The following RBFOX1 variants were observed in gnomAD, a reference collection of about 807,000 sequenced individuals.
The protein encoded by RBFOX1 is RNA binding protein fox-1 homolog 1.
A neutral mutation model predicts 57.7 loss-of-function variants in RBFOX1; 8 were observed. The ratio of observed to expected loss-of-function variants is 0.14; its 90% CI spans 0.08 to 0.25. The LOEUF (loss-of-function observed/expected upper bound fraction) is 0.25. Among genes scored for constraint, RBFOX1 ranks in the 10% least tolerant of loss-of-function variants. The probability of loss-of-function intolerance (pLI) is 1.00; values close to 1 mark genes in which losing one functional copy is unlikely to be tolerated. For synonymous variants in RBFOX1, 326 were observed against 222.4 expected (o/e 1.47, Z -4.15); for missense variants, 611 against 548.5 (o/e 1.11, Z -1.14).
chr16:6,235,266 C>T (rs1370222689), intron 1 of RBFOX1, among the ~76,000 whole-genome samples: 1 of 152,046 alleles, frequency 6.6e-6, no homozygotes, highest in Non-Finnish European at 1.5e-5. Flanking sequence ...GGCCTAACTC[C>T]CCTCCTCCAC....
chr16:7,199,402 A>T (rs779572956), intron 4 of RBFOX1, among the ~76,000 whole-genome samples: 6 of 152,198 alleles, frequency 3.9e-5, no homozygotes, highest in Non-Finnish European at 7.3e-5. Context: ...ATGTTTTCCA[A>T]ATAGGCCCTG....
intron 2 of RBFOX1, among the ~76,000 whole-genome samples, chr16:6,627,007 G>C (rs910921971): frequency 3.3e-5 from 5 of 152,156 alleles, no homozygotes; most frequent in Non-Finnish European, 5.9e-5. Flanking sequence ...GGCACAGAAG[G>C]CTGGGCTATG....
intron 11 of RBFOX1, among the ~76,000 whole-genome samples, chr16:7,648,507 G>A (rs867381543): frequency 5.3e-5 from 8 of 152,318 alleles, no homozygotes; most frequent in African/African-American, 1.2e-4. Context: ...ACAGGTGTGA[G>A]ACACTGTGCC....
intron 3 of RBFOX1, among the ~76,000 whole-genome samples, chr16:6,901,024 C>T (rs570081183): frequency 4.6e-5 from 7 of 152,270 alleles, no homozygotes; most frequent in South Asian, 2.1e-4. Context: ...CTCCCATTCA[C>T]CGACATTATG....
chr16:5,291,144 C>G (rs1257239293), intron 1 of RBFOX1, among the ~76,000 whole-genome samples: 1 of 152,144 alleles, frequency 6.6e-6, no homozygotes, highest in Non-Finnish European at 1.5e-5. Context: ...AGTGGTCCCA[C>G]CTTGGGCATC....
chr16:5,430,932 G>C (rs1012602474), intron 1 of RBFOX1, among the ~76,000 whole-genome samples: 2 of 152,194 alleles, frequency 1.3e-5, no homozygotes, highest in African/African-American at 4.8e-5. Flanking sequence ...ACATACTTCA[G>C]TGGGGACCTG....
At chr16:6,270,138 C>T (rs1216362278) in intron 1 of RBFOX1, among the ~76,000 whole-genome samples, 1 of 151,656 alleles carries the variant, frequency 6.6e-6, no homozygotes, top group Non-Finnish European at 1.5e-5. Flanking sequence ...AATATTTCAG[C>T]AACCTAGAGA....
chr16:5,614,587 A>C (rs554615080), intron 3 of RBFOX1, among the ~76,000 whole-genome samples: 2 of 152,276 alleles, frequency 1.3e-5, no homozygotes, highest in South Asian at 4.2e-4. Flanking sequence ...AAGGCTCTTC[A>C]GAGGTATATT....
intron 3 of RBFOX1, among the ~76,000 whole-genome samples, chr16:5,614,765 T>C (rs1402799805): frequency 6.6e-6 from 1 of 152,186 alleles, no homozygotes; most frequent in Non-Finnish European, 1.5e-5. Context: ...CGAGATGCTA[T>C]GGGTGAGTGA....
At chr16:6,162,699 A>G (rs2096888585) in intron 1 of RBFOX1, among the ~76,000 whole-genome samples, 1 of 152,134 alleles carries the variant, frequency 6.6e-6, no homozygotes, top group African/African-American at 2.4e-5. Flanking sequence ...TAAACCACAC[A>G]TGGAGGGGAA....
At chr16:5,752,541 C>T (rs1160555442) in intron 3 of RBFOX1, among the ~76,000 whole-genome samples, 1 of 152,188 alleles carries the variant, frequency 6.6e-6, no homozygotes, top group Admixed American at 6.5e-5. Flanking sequence ...TGATACTGTG[C>T]TTTCCAGAAA....
chr16:6,107,248 A>T (rs2096392364), intron 1 of RBFOX1, among the ~76,000 whole-genome samples: 1 of 151,830 alleles, frequency 6.6e-6, no homozygotes, highest in African/African-American at 2.4e-5. Flanking sequence ...CTAGTACCTG[A>T]TGATATCTAT....
At chr16:6,172,981 T>A (rs1453994332) in intron 1 of RBFOX1, among the ~76,000 whole-genome samples, 1 of 152,172 alleles carries the variant, frequency 6.6e-6, no homozygotes, top group Non-Finnish European at 1.5e-5. Flanking sequence ...TCATGGCCCC[T>A]TTCTCCATCT....
chr16:5,772,293 G>A (rs1370231677), intron 3 of RBFOX1, among the ~76,000 whole-genome samples: 2 of 152,180 alleles, frequency 1.3e-5, no homozygotes, highest in African/African-American at 2.4e-5. Flanking sequence ...AGACTTACTG[G>A]CAGGCTCCCT....
chr16:7,131,825 T>C (rs927384945), intron 4 of RBFOX1, among the ~76,000 whole-genome samples: 4 of 152,022 alleles, frequency 2.6e-5, no homozygotes, highest in African/African-American at 9.7e-5. Flanking sequence ...GAGATTAATT[T>C]TTCCCTACAT....
chr16:7,230,391 A>G (rs183616406), intron 4 of RBFOX1, among the ~76,000 whole-genome samples: 1 of 152,244 alleles, frequency 6.6e-6, no homozygotes, highest in East Asian at 1.9e-4. Context: ...GGCTTAACAT[A>G]TCAGCTTCCA....
At chr16:5,964,015 TA>T (rs2059799794) in intron 4 of RBFOX1, among the ~76,000 whole-genome samples, 1 of 152,214 alleles carries the variant, frequency 6.6e-6, no homozygotes, top group African/African-American at 2.4e-5. Flanking sequence ...GATAAGTGAT[TA>T]ATATCTGTGT....
intron 1 of RBFOX1, among the ~76,000 whole-genome samples, chr16:5,306,979 C>A (rs1033712899): frequency 1.3e-5 from 2 of 151,864 alleles, no homozygotes; most frequent in Non-Finnish European, 2.9e-5. Context: ...GGCATCTCAG[C>A]AAAACTTTGG....
At chr16:7,708,915 C>G (rs1428845853) in intron 14 of RBFOX1, 141 bp from the exon 15 acceptor site, 10 of 700,172 alleles carry the variant, frequency 1.4e-5, no homozygotes, top group Non-Finnish European at 2.0e-5. Flanking sequence ...TCTTCTTATA[C>G]TACACAGCAG....
Sources: allele counts gnomAD v4.1 joint callset (sites outside exome capture counted in the v4.1 genomes callset), GRCh38; gene constraint gnomAD v4.1.1; transcripts MANE v1.5; gene names NCBI Gene and HGNC (gene_info 2026-07-23, HGNC 2026-07-21).